Variants in ETF1 observed in about 807,000 individuals in gnomAD.
ETF1 encodes the protein eukaryotic translation termination factor 1.
In ETF1, 4 loss-of-function variants were observed where a neutral mutation model predicts 55.1. The observed-to-expected ratio is 0.07, with a 90% CI of 0.04 to 0.17. ETF1 has a LOEUF of 0.17. ETF1 is among the 10% of genes least tolerant of loss of function. ETF1 has a pLI of 1.00. For synonymous variants in ETF1, 157 were observed against 182.3 expected (o/e 0.86, Z 1.12); for missense variants, 142 against 523.6 (o/e 0.27, Z 7.11).
intron 2 of ETF1, among the ~76,000 whole-genome samples, chr5:138,528,155 G>A (rs895629094): frequency 3.9e-5 from 6 of 152,088 alleles, no homozygotes; most frequent in Non-Finnish European, 8.8e-5. Context: ...AGATGCAGTC[G>A]GCAGGGAATG....
chr5:138,519,181 C>T, intron 2 of ETF1: 1 of 985,098 alleles, frequency 1.0e-6, no homozygotes, highest in Non-Finnish European at 1.2e-6. Context: ...GGAGTGTCAA[C>T]AGGCTGGAAT....
At chr5:138,513,500 G>A (rs982565145) in intron 5 of ETF1, 68 bp downstream of exon 5, 12 of 1,358,756 alleles carry the variant, frequency 8.8e-6, no homozygotes, top group Admixed American at 3.4e-5. Context: ...CACCGCACCC[G>A]GCCCACCATA....
Position 138,538,333 on chromosome 5 carries a change from G to A in ETF1, c.86+4500C>T, listed in dbSNP as rs1233515974. Among the ~76,000 whole-genome samples the A allele has an allele frequency of 2.6e-5, 4 of 151,992 alleles. 2 individuals carry two copies. The highest frequency in any genetic ancestry group is 9.7e-5 in the African/African-American group (4 of 41,358). On this transcript the variant is annotated intron_variant, in intron 2 of 10. Coordinates refer to ENST00000360541, the MANE Select transcript of ETF1 (RefSeq NM_004730.4). ...GCCTCCCGAGTAGCTGGGATTACAG[G>A]TGCAAGCCACCACACCCAGCTCATT...
chr5:138,522,305 C>CA (rs1361706004), intron 2 of ETF1, among the ~76,000 whole-genome samples: 1 of 151,972 alleles, frequency 6.6e-6, no homozygotes, highest in Non-Finnish European at 1.5e-5. Context: ...AATTCATCAA[C>CA]AAAAAACCCA....
chr5:138,509,276 G>T, intron 9 of ETF1: 2 of 624,676 alleles, frequency 3.2e-6, no homozygotes, highest in Non-Finnish European at 4.0e-6. Flanking sequence ...TTCAACTGTT[G>T]TGATGCACTT....
intron 2 of ETF1, among the ~76,000 whole-genome samples, chr5:138,527,275 G>C (rs1765513441): frequency 6.6e-6 from 1 of 152,140 alleles, no homozygotes; most frequent in Non-Finnish European, 1.5e-5. Context: ...TTGAAGGCTG[G>C]TTCATAAACT....
chr5:138,540,137 A>G (rs1344117814), intron 2 of ETF1, among the ~76,000 whole-genome samples: 6 of 152,222 alleles, frequency 3.9e-5, no homozygotes, highest in Admixed American at 3.9e-4. Context: ...GATTATCTTA[A>G]TTTCAAAATC....
chr5:138,507,623 G>A lies in ETF1; in HGVS notation c.*682C>T, dbSNP rs1045534646. The A allele has an allele frequency of 1.3e-5, 2 of 152,738 alleles. No homozygotes were observed. The highest frequency in any genetic ancestry group is 2.1e-4 in the South Asian group (1 of 4,828). 9.5% of individuals were successfully genotyped at this position (152,738 alleles called of 1,614,324 possible). On this transcript the variant is annotated 3_prime_UTR_variant, in exon 11 of 11. Transcript: ENST00000360541. ...CTGCAAACAGATGGAAGTAAACAGT[G>A]CACTGGCCCAAATGCTTCATGAGTC...
At chr5:138,529,447 T>C (rs1765605619) in intron 2 of ETF1, 2 of 261,498 alleles carry the variant, frequency 7.6e-6, no homozygotes, top group Non-Finnish European at 1.2e-5. Context: ...TTCGTTTTTC[T>C]ACTATCCCTA....
intron 2 of ETF1, among the ~76,000 whole-genome samples, chr5:138,530,645 A>T (rs775277134): frequency 6.7e-6 from 1 of 150,324 alleles, no homozygotes; most frequent in Non-Finnish European, 1.5e-5. Context: ...GCCATCTCTG[A>T]TCTTTGCAAC....
intron 2 of ETF1, among the ~76,000 whole-genome samples, chr5:138,540,644 T>C (rs1449874752): frequency 6.6e-6 from 1 of 152,166 alleles, no homozygotes; most frequent in Admixed American, 6.5e-5. Context: ...AAAAGCAAAG[T>C]AGGACATGAT....
chr5:138,518,673 G>T lies in ETF1; in HGVS notation c.262+19C>A. The T allele has an allele frequency of 6.2e-7, 1 of 1,603,172 alleles. No homozygotes were observed. Among genetic ancestry groups the T allele is most frequent in the Non-Finnish European group, 8.5e-7 (1 of 1,171,386 alleles). On this transcript the variant is annotated intron_variant, in intron 3 of 10. Transcript: ENST00000360541. ...AACCAAAATGTGTAGAGAAGGAAAAGGAGCAAACTCCAGATTACCTTTGTT... is the reference window on the plus strand; with the variant it reads ...AACCAAAATGTGTAGAGAAGGAAAATGAGCAAACTCCAGATTACCTTTGTT...
At chr5:138,519,087 G>A in intron 2 of ETF1, 2 of 984,780 alleles carry the variant, frequency 2.0e-6, no homozygotes, top group South Asian at 4.7e-5. Flanking sequence ...TGAATAGTGA[G>A]GTAAGTTATG....
intron 6 of ETF1, among the ~76,000 whole-genome samples, chr5:138,512,246 ATATATATATATATTTTTTTTT>A (rs1486888870): frequency 0.048 from 445 of 9,264 alleles, 31 homozygotes; most frequent in Non-Finnish European, 0.065. Context: ...ATATATATAT[ATATATATATATATTTTTTTTT>A]TTTTTTAAAG....
In ETF1 at chr5:138,508,216, C is replaced by T; in HGVS notation, c.*89G>A. On this transcript the variant is annotated 3_prime_UTR_variant, in exon 11 of 11. Transcript: ENST00000360541. ...TTCTGGAAATGTTCCAATTGTAAGG[C>T]AGGGATCTGTTTGGATTCCACCATG... is the stretch of plus-strand genomic sequence containing the variant. 7.1e-7 allele frequency: 1 copy of T among 1,408,884 alleles called. No homozygotes were observed. The highest frequency in any genetic ancestry group is 9.7e-7 in the Non-Finnish European group (1 of 1,035,430). The allele number at this position is 1,408,884 out of a possible 1,614,324, so 87.3% of individuals were successfully genotyped here. A position where few individuals can be genotyped will look rare whatever the true frequency, so the allele number is the denominator to read the frequency against.
chr5:138,538,447 C>T (rs1052066892), intron 2 of ETF1, among the ~76,000 whole-genome samples: 2 of 152,198 alleles, frequency 1.3e-5, no homozygotes, highest in Admixed American at 6.5e-5. Flanking sequence ...ACCTTGGCCT[C>T]CCAAAGTGCT....
intron 2 of ETF1, among the ~76,000 whole-genome samples, chr5:138,533,681 C>T (rs1286432645): frequency 2.6e-5 from 4 of 152,058 alleles, no homozygotes; most frequent in African/African-American, 7.2e-5. Flanking sequence ...CAAGACTCCA[C>T]CTCAAAAACA....
chr5:138,516,092 T>G (rs1347612428), intron 4 of ETF1, among the ~76,000 whole-genome samples: 1 of 152,196 alleles, frequency 6.6e-6, no homozygotes, highest in African/African-American at 2.4e-5. Context: ...TCCTTTCCAC[T>G]GTTCAAGTTC....
At chr5:138,515,199 G>A (rs114597467) in intron 4 of ETF1, among the ~76,000 whole-genome samples, 2,517 of 152,296 alleles carry the variant, frequency 0.017, 28 homozygotes, top group Admixed American at 0.027. Flanking sequence ...GGCCAAGGTG[G>A]GTGGATCACT....
Sources: allele counts gnomAD v4.1 joint callset (sites outside exome capture counted in the v4.1 genomes callset), GRCh38; gene constraint gnomAD v4.1.1; transcripts MANE v1.5; gene names NCBI Gene and HGNC (gene_info 2026-07-23, HGNC 2026-07-21).